The following WDFY4 variants were observed in gnomAD, a reference collection of about 807,000 sequenced individuals.
The protein encoded by WDFY4 is WDFY family member 4.
Under a neutral mutation model 351.9 loss-of-function variants are expected in WDFY4, and 169 were observed. That is an observed-to-expected ratio of 0.48 (90% CI 0.42 to 0.55). WDFY4 has a LOEUF of 0.55. Ranked by LOEUF, WDFY4 falls within the 20% of genes least tolerant of loss-of-function variation. The pLI, the probability that WDFY4 is intolerant of heterozygous loss-of-function variation, is 0.00. For missense variants in WDFY4, 3,803 were observed against 3,935.6 expected (o/e 0.97, Z 0.90); for synonymous variants, 1,622 against 1,574.6 (o/e 1.03, Z -0.71).
chr10:48,863,815 G>GGGAGGCCTCA (rs1448815292), intron 39 of WDFY4, among the ~76,000 whole-genome samples: 1 of 152,134 alleles, frequency 6.6e-6, no homozygotes, highest in East Asian at 1.9e-4. Flanking sequence ...GGCATGGCTG[G>GGGAGGCCTCA]GGAGGCCTCA....
chr10:48,868,060 G>A (rs1346178171), intron 40 of WDFY4, among the ~76,000 whole-genome samples: 1 of 152,320 alleles, frequency 6.6e-6, no homozygotes, highest in Admixed American at 6.5e-5. Context: ...TGGGGTATAA[G>A]GAGCCATTAG....
At chr10:48,694,152 C>T (rs3923678) in intron 1 of WDFY4, among the ~76,000 whole-genome samples, 2 of 152,174 alleles carry the variant, frequency 1.3e-5, no homozygotes, top group Non-Finnish European at 1.5e-5. Context: ...TACCTTAGCA[C>T]GTGAGATATA....
At chr10:48,913,435 TC>T (rs1198471244) in intron 47 of WDFY4, 2 of 1,613,102 alleles carry the variant, frequency 1.2e-6, no homozygotes, top group African/African-American at 2.7e-5. Flanking sequence ...TTGGGTGAGA[TC>T]AGATTGGGAA....
At chr10:48,788,477 A>G in intron 20 of WDFY4, 53 bp from the exon 21 acceptor site, 1 of 1,527,580 alleles carries the variant, frequency 6.5e-7, no homozygotes, top group Non-Finnish European at 8.8e-7. Flanking sequence ...ATGAGGATTA[A>G]TTTCCTGCTC....
intron 39 of WDFY4, among the ~76,000 whole-genome samples, chr10:48,862,142 T>C (rs1245269454): frequency 1.3e-5 from 2 of 152,236 alleles, no homozygotes; most frequent in South Asian, 2.1e-4. Flanking sequence ...CAAATAGTTC[T>C]AACACTTCTG....
In WDFY4 at chr10:48,913,632, T is replaced by C. The variant is rs764980777; in HGVS notation, c.7586+11769T>C. The C allele has an allele frequency of 1.1e-4, 170 of 1,613,926 alleles. No homozygotes were observed. Among genetic ancestry groups the C allele is most frequent in the Non-Finnish European group, 1.4e-4 (161 of 1,179,968 alleles). ...ACCTGGCTTTGGAAAGGGGTTCCGC[T>C]TTATGTTGAGCTTTTTCAGCTTGGG... On this transcript the variant is annotated intron_variant, in intron 47 of 61. Coordinates refer to ENST00000325239, the MANE Select transcript of WDFY4 (RefSeq NM_001394531.1).
rs1240455978 is a variant in WDFY4 at position 48,959,781 on chromosome 10, G to A, written c.8191G>A (p.Asp2731Asn). 3.9e-6 allele frequency: 6 copies of A among 1,551,302 alleles called. No homozygotes were observed. In the East Asian group the frequency reaches 9.8e-5, roughly 25 times the overall value. The change falls in exon 53 of 62, where the codon GAC (aspartate) becomes AAC (asparagine). Residue 2731 changes from aspartate (D) to asparagine (N), a missense_variant. This residue lies in a region of WDFY4 where 3,054 missense variants were observed against 3,148.6 expected (regional missense o/e 0.97). Coordinates refer to ENST00000325239, the MANE Select transcript of WDFY4 (RefSeq NM_001394531.1). Reference sequence around the variant, plus strand: ...GCAGCTCCCTCCCTGGGCTGATGGGGACCCTCGGAAATTCATCAGCCTGCA... The same window carrying A: ...GCAGCTCCCTCCCTGGGCTGATGGGAACCCTCGGAAATTCATCAGCCTGCA... ...DVQLPPWADG[D>N]PRKFISLHRK...
At chr10:48,876,955 T>C (rs922294550) in intron 42 of WDFY4, 78 bp from the exon 43 acceptor site, 40 of 1,346,986 alleles carry the variant, frequency 3.0e-5, no homozygotes, top group Non-Finnish European at 3.9e-5. Flanking sequence ...CTTGGTGATG[T>C]AGGCACATGC....
intron 14 of WDFY4, 137 bp from the exon 15 acceptor site, chr10:48,775,575 T>A (rs2066004453): frequency 1.3e-6 from 1 of 774,882 alleles, no homozygotes; most frequent in Admixed American, 2.2e-5. Context: ...GTCTCCACAT[T>A]GCTTTCAGAA....
At chr10:48,784,645 G>C (rs1184333881) in intron 19 of WDFY4, among the ~76,000 whole-genome samples, 1 of 136,782 alleles carries the variant, frequency 7.3e-6, no homozygotes, top group East Asian at 2.3e-4. Flanking sequence ...GGGTTCAAGT[G>C]ATTCTTCTGC....
At chr10:48,873,871 A>G (rs2069885291) in intron 41 of WDFY4, among the ~76,000 whole-genome samples, 174 bp downstream of exon 41, 1 of 152,222 alleles carries the variant, frequency 6.6e-6, no homozygotes, top group Admixed American at 6.5e-5. Flanking sequence ...GAAAAGCATC[A>G]CTAACCCTCC....
chr10:48,764,324 T>G (rs919217236), intron 13 of WDFY4, among the ~76,000 whole-genome samples: 1 of 152,216 alleles, frequency 6.6e-6, no homozygotes, highest in Non-Finnish European at 1.5e-5. Flanking sequence ...AAACAGATAT[T>G]CCAGCTGTTT....
intron 14 of WDFY4, among the ~76,000 whole-genome samples, chr10:48,775,214 CAA>C (rs749726340): frequency 6.2e-4 from 94 of 152,134 alleles, no homozygotes; most frequent in Non-Finnish European, 8.4e-4. Context: ...ACGTGGAAGA[CAA>C]GAGAGCAGAG....
intron 47 of WDFY4, among the ~76,000 whole-genome samples, chr10:48,937,758 C>T (rs1840477751): frequency 6.6e-6 from 1 of 152,228 alleles, no homozygotes; most frequent in African/African-American, 2.4e-5. Context: ...CAGGGTGTCT[C>T]TGGTTTGAAA....
intron 44 of WDFY4, among the ~76,000 whole-genome samples, chr10:48,891,216 G>A (rs2070682848): frequency 6.6e-6 from 1 of 152,216 alleles, no homozygotes; most frequent in Admixed American, 6.5e-5. Flanking sequence ...GGACTGGAGT[G>A]GTGGGGAAGA....
At chr10:48,929,438 G>C (rs1240659021) in intron 47 of WDFY4, among the ~76,000 whole-genome samples, 2 of 152,156 alleles carry the variant, frequency 1.3e-5, no homozygotes, top group East Asian at 1.9e-4. Context: ...TGGGCATCAG[G>C]GGGCAGTGGA....
At chr10:48,947,228 A>T (rs1415731056) in intron 51 of WDFY4, among the ~76,000 whole-genome samples, 1 of 152,198 alleles carries the variant, frequency 6.6e-6, no homozygotes, top group African/African-American at 2.4e-5. Context: ...GAAATGAGAC[A>T]TGAAAAAAAT....
chr10:48,737,528 T>G (rs1253074755), intron 11 of WDFY4, among the ~76,000 whole-genome samples: 2 of 152,190 alleles, frequency 1.3e-5, no homozygotes, highest in Non-Finnish European at 2.9e-5. Context: ...TGTGAGCTGT[T>G]CCAGTTATTA....
rs370863975 is a variant in WDFY4, at chr10:48,913,467, G to A, written c.7586+11604G>A. On this transcript the variant is annotated intron_variant, in intron 47 of 61. Coordinates refer to ENST00000325239, the MANE Select transcript of WDFY4 (RefSeq NM_001394531.1). ...GGGAAAGATGGTCTTTCTCGGTGTC[G>A]TCGTGGCCATGTTCTTGATTCTATT... is the stretch of plus-strand genomic sequence containing the variant. 78 of 1,582,742 alleles carry A rather than the reference G, an allele frequency of 4.9e-5. 1 individual carries two copies. The highest frequency in any genetic ancestry group is 3.9e-4 in the East Asian group (17 of 43,622).
Sources: gnomAD v4.1 joint callset for allele counts (sites outside exome capture counted in the v4.1 genomes callset) on GRCh38, gnomAD v4.1.1 for gene constraint, gnomAD v4.1.1 regional missense constraint, MANE v1.5 for transcripts, NCBI Gene and HGNC (gene_info 2026-07-23, HGNC 2026-07-21) for gene names.